HERC3: variants seen among roughly 807,000 people sequenced by gnomAD.
HERC3 encodes the protein HECT and RLD domain containing E3 ubiquitin protein ligase 3.
In HERC3, 58 loss-of-function variants were observed where a neutral mutation model predicts 129.9. That is an observed-to-expected ratio of 0.45 (90% confidence interval 0.36 to 0.56). The LOEUF (loss-of-function observed/expected upper bound fraction) is 0.56, where lower values mean the gene tolerates loss of function less well. Ranked by LOEUF, HERC3 falls within the 20% of genes least tolerant of loss-of-function variation. The pLI, the probability that HERC3 is intolerant of heterozygous loss-of-function variation, is 0.00. For missense variants in HERC3, 835 were observed against 1,244.2 expected (o/e 0.67, Z 4.95); for synonymous variants, 430 against 451.0 (o/e 0.95, Z 0.59).
At chr4:88,695,395 A>T (rs753891424) in intron 23 of HERC3, among the ~76,000 whole-genome samples, 27 of 152,008 alleles carry the variant, frequency 1.8e-4, no homozygotes, top group South Asian at 4.2e-4. Flanking sequence ...TCCAGTTTTT[A>T]AAAAAAACTT....
chr4:88,625,994 C>T (rs369131454), intron 3 of HERC3, among the ~76,000 whole-genome samples: 28 of 152,140 alleles, frequency 1.8e-4, no homozygotes, highest in African/African-American at 6.5e-4. Flanking sequence ...TGGAATAAAT[C>T]TCACTTGGTA....
chr4:88,659,014 T>C (rs528248674), intron 10 of HERC3, among the ~76,000 whole-genome samples: 1 of 152,354 alleles, frequency 6.6e-6, no homozygotes, highest in East Asian at 1.9e-4. Context: ...AAAGACACTG[T>C]GACATTGTCT....
chr4:88,588,791 GA>G (rs1721591644), upstream of HERC3, among the ~76,000 whole-genome samples: 1 of 152,244 alleles, frequency 6.6e-6, no homozygotes, highest in South Asian at 2.1e-4. Flanking sequence ...TGTATTTTAA[GA>G]AGTGAATGGT....
chr4:88,673,289 C>T (rs1052673263), intron 16 of HERC3, among the ~76,000 whole-genome samples: 34 of 152,274 alleles, frequency 2.2e-4, no homozygotes, highest in African/African-American at 7.5e-4. Context: ...GGCACTAAGG[C>T]AGAGGAGGCT....
chr4:88,670,405 A>G (rs1165748342), intron 16 of HERC3, among the ~76,000 whole-genome samples, 153 bp downstream of exon 16: 1 of 152,216 alleles, frequency 6.6e-6, no homozygotes, highest in Admixed American at 6.5e-5. Context: ...AAGTGCTTTA[A>G]GTAATCATCA....
chr4:88,553,941 G>C, the HERC3 span, among the ~76,000 whole-genome samples: 1 of 152,182 alleles, frequency 6.6e-6, no homozygotes, highest in Non-Finnish European at 1.5e-5. Context: ...TACCTTATTT[G>C]GTAAGGGGGT....
chr4:88,530,399 A>T, the HERC3 span, among the ~76,000 whole-genome samples: 1 of 152,208 alleles, frequency 6.6e-6, no homozygotes, highest in Admixed American at 6.5e-5. Context: ...CATATAATGC[A>T]TTCTTTCGTG....
the HERC3 span, among the ~76,000 whole-genome samples, chr4:88,530,571 C>T: frequency 6.6e-6 from 1 of 152,108 alleles, no homozygotes; most frequent in African/African-American, 2.4e-5. Flanking sequence ...CTCCTTTCCT[C>T]ATTTTTTAAT....
At chr4:88,638,913 G>A (rs1727757050) in intron 3 of HERC3, among the ~76,000 whole-genome samples, 1 of 152,242 alleles carries the variant, frequency 6.6e-6, no homozygotes, top group Admixed American at 6.5e-5. Flanking sequence ...TAAAATCAAT[G>A]TGCAAAAATC....
At chr4:88,640,289 G>T (rs1189353250) in intron 3 of HERC3, among the ~76,000 whole-genome samples, 1 of 152,064 alleles carries the variant, frequency 6.6e-6, no homozygotes, top group East Asian at 1.9e-4. Flanking sequence ...GTTTATTGCA[G>T]CACTATTTAC....
At chr4:88,551,543 T>C in the HERC3 span, among the ~76,000 whole-genome samples, 1 of 151,080 alleles carries the variant, frequency 6.6e-6, no homozygotes, top group South Asian at 2.1e-4. Flanking sequence ...ATGCTCATCA[T>C]CACTGGCCAT....
the HERC3 span, chr4:88,527,715 G>T: frequency 6.7e-6 from 2 of 296,402 alleles, no homozygotes; most frequent in Admixed American, 3.7e-5. Flanking sequence ...TTGCCTTCCT[G>T]GGCTGCATAG....
Position 88,651,873 on chromosome 4 carries a change from C to T in HERC3, c.387-139C>T, listed in dbSNP as rs940966476. ...AAAGTGCTGAGATTACAGGCGTGAA[C>T]CACTGTGCCTGGCCTTAAAAAGACT... On this transcript the variant is annotated intron_variant, in intron 4 of 25. Transcript: ENST00000402738. 3.3e-5 allele frequency: 22 copies of T among 673,610 alleles called. No individual in the cohort carries two copies. The African/African-American group carries it at 3.6e-4, about 11-fold the overall frequency. The allele number at this position is 673,610 out of a possible 1,614,324, so 41.7% of individuals were successfully genotyped here. A position where few individuals can be genotyped will look rare whatever the true frequency, so the allele number is the denominator to read the frequency against.
chr4:88,687,613 A>G (rs1454019504), intron 23 of HERC3, among the ~76,000 whole-genome samples: 2 of 152,134 alleles, frequency 1.3e-5, no homozygotes, highest in East Asian at 3.9e-4. Context: ...TCTCTACTTC[A>G]TGGGATGGTT....
At chr4:88,697,760 AGG>A in intron 23 of HERC3, 1 of 1,601,974 alleles carries the variant, frequency 6.2e-7, no homozygotes, top group South Asian at 1.1e-5. Flanking sequence ...GCCATGTTAG[AGG>A]AGAAGCCGCA....
At chr4:88,661,033 ACTTC>A (rs1730440854) in intron 10 of HERC3, among the ~76,000 whole-genome samples, 1 of 152,226 alleles carries the variant, frequency 6.6e-6, no homozygotes, top group African/African-American at 2.4e-5. Flanking sequence ...CTGAACTTGT[ACTTC>A]ACCCAAGGCA....
chr4:88,579,975 T>A, the HERC3 span, among the ~76,000 whole-genome samples: 2 of 152,172 alleles, frequency 1.3e-5, no homozygotes, highest in Non-Finnish European at 2.9e-5. Flanking sequence ...TGTCAATATG[T>A]TGATGTTAGC....
At chr4:88,534,768 C>T in the HERC3 span, among the ~76,000 whole-genome samples, 1 of 152,170 alleles carries the variant, frequency 6.6e-6, no homozygotes, top group Non-Finnish European at 1.5e-5. Context: ...TAAGCTAGTG[C>T]ATTATGGTAC....
rs911393109 is a variant in HERC3 at position 88,655,725 on chromosome 4, C to T, written c.909-150C>T. 1.7e-5 allele frequency: 12 copies of T among 700,456 alleles called. No homozygotes were observed. In the African/African-American group the frequency reaches 1.8e-4, roughly 10 times the overall value. 43.4% of individuals were successfully genotyped at this position (700,456 alleles called of 1,614,324 possible). ...TGTTAGAGGATAGTATTATGGAGAG[C>T]AGCCGCTGCAAGAAGAGTCACGTGT... On this transcript the variant is annotated intron_variant, in intron 8 of 25. Coordinates refer to ENST00000402738, the MANE Select transcript of HERC3 (RefSeq NM_014606.3).
Sources: gnomAD v4.1 joint callset for allele counts (sites outside exome capture counted in the v4.1 genomes callset) on GRCh38, gnomAD v4.1.1 for gene constraint, MANE v1.5 for transcripts, NCBI Gene and HGNC (gene_info 2026-07-23, HGNC 2026-07-21) for gene names.